NCKAP1L: variants seen among roughly 807,000 people sequenced by gnomAD.
NCKAP1L encodes NCK associated protein 1 like, also known as nck-associated protein 1-like.
NCKAP1L carries 53 observed loss-of-function variants against 139.2 expected under a neutral mutation model. The observed-to-expected ratio is 0.38, with a 90% CI of 0.31 to 0.48. NCKAP1L has a LOEUF of 0.48. Ranked by LOEUF, NCKAP1L falls within the 20% of genes least tolerant of loss-of-function variation. The pLI, the probability that NCKAP1L is intolerant of heterozygous loss-of-function variation, is 0.98. For synonymous variants in NCKAP1L, 468 were observed against 499.7 expected, an observed-to-expected ratio of 0.94 and a Z score of 0.85; for missense variants, 1,151 against 1,381.9, an observed-to-expected ratio of 0.83 and a Z score of 2.65.
At chr12:54,522,235 T>C (rs911095341) in intron 18 of NCKAP1L, among the ~76,000 whole-genome samples, 1 of 152,198 alleles carries the variant, frequency 6.6e-6, no homozygotes, top group Admixed American at 6.5e-5. Context: ...CAAGAAGATA[T>C]GCAAATGAGT....
rs1164357462 is a variant in NCKAP1L, at chr12:54,544,316, T to A, written c.*1631T>A. 6.6e-6 allele frequency: 1 copy of A among 152,090 alleles called. No homozygotes were observed. Among genetic ancestry groups the A allele is most frequent in the Non-Finnish European group, 1.5e-5 (1 of 68,008 alleles). The allele number at this position is 152,090 out of a possible 1,614,324, so 9.4% of individuals were successfully genotyped here. ...GTTTATATTTTTCTGCTTGAGGGGA[T>A]AGAGATCCCTCCTCCATCTGCATCT... On this transcript the variant is annotated 3_prime_UTR_variant, in exon 31 of 31. Transcript: ENST00000293373.
At chr12:54,542,493 C>T in intron 30 of NCKAP1L, 82 bp from the exon 31 acceptor site, 2 of 1,029,842 alleles carry the variant, frequency 1.9e-6, no homozygotes, top group South Asian at 1.3e-5. Context: ...CTCAGAGGGC[C>T]TGGGAACTAT....
At chr12:54,511,757 G>A (rs1315596241) in intron 7 of NCKAP1L, 46 bp from the exon 8 acceptor site, 1 of 1,595,218 alleles carries the variant, frequency 6.3e-7, no homozygotes, top group African/African-American at 1.3e-5. Context: ...TCCTTTAGAG[G>A]AAGGCCAAGT....
intron 18 of NCKAP1L, among the ~76,000 whole-genome samples, chr12:54,522,885 A>T (rs1956995837): frequency 6.6e-6 from 1 of 152,208 alleles, no homozygotes; most frequent in Non-Finnish European, 1.5e-5. Flanking sequence ...CTTAAAAAAA[A>T]AGTGGAAAGA....
chr12:54,522,045 C>A (rs887970117), intron 18 of NCKAP1L, among the ~76,000 whole-genome samples: 2 of 152,148 alleles, frequency 1.3e-5, no homozygotes, highest in African/African-American at 4.8e-5. Flanking sequence ...TAATATTTGA[C>A]ATAAAGCACT....
chr12:54,516,013 T>G (rs1956927386), intron 9 of NCKAP1L, among the ~76,000 whole-genome samples: 1 of 151,044 alleles, frequency 6.6e-6, no homozygotes, highest in African/African-American at 2.5e-5. Flanking sequence ...CCCTAGGTAT[T>G]ATTTTCTGTA....
At chr12:54,518,995 G>T in intron 15 of NCKAP1L, 23 bp downstream of exon 15, 1 of 1,606,020 alleles carries the variant, frequency 6.2e-7, no homozygotes, top group Admixed American at 1.7e-5. Flanking sequence ...TCCTGTTAAA[G>T]ATTCTCATCC....
Position 54,528,391 on chromosome 12 carries a change from C to G in NCKAP1L, c.2506+14C>G. 6.2e-7 allele frequency: 1 copy of G among 1,612,050 alleles called. No homozygotes were observed. The highest frequency in any genetic ancestry group is 8.5e-7 in the Non-Finnish European group (1 of 1,179,200). On this transcript the variant is annotated intron_variant, in intron 22 of 30. Coordinates refer to ENST00000293373, the MANE Select transcript of NCKAP1L (RefSeq NM_005337.5). ...CTGACATCTCTGGTGAGCTCAGGGC[C>G]TGGTCTTCTTGTCAAGGAGCTGAGC...
intron 3 of NCKAP1L, among the ~76,000 whole-genome samples, chr12:54,506,949 C>T (rs1333231275): frequency 6.6e-6 from 1 of 150,852 alleles, no homozygotes; most frequent in Admixed American, 6.6e-5. Flanking sequence ...ATACCATGGG[C>T]TATTATGCAG....
chr12:54,533,544 A>G (rs1342397536), intron 26 of NCKAP1L, among the ~76,000 whole-genome samples: 2 of 152,060 alleles, frequency 1.3e-5, no homozygotes, highest in Non-Finnish European at 2.9e-5. Context: ...GTACCACAGC[A>G]AAGTGTGTGT....
In NCKAP1L at chr12:54,500,567, A is replaced by G. The variant is rs2120867666; in HGVS notation, c.248A>G (p.Glu83Gly). 1 of 1,613,756 alleles carries G rather than the reference A, an allele frequency of 6.2e-7. No individual in the cohort carries two copies. Among genetic ancestry groups the G allele is most frequent in the Non-Finnish European group, 8.5e-7 (1 of 1,179,670 alleles). ...HLGPVHREKA[E>G]IIRFLTNYYQ... Reference sequence around the variant, plus strand: ...GGACCAGTACATCGTGAAAAAGCCGAGATAATTAGATTCCTCACCAACTAC... The same window carrying G: ...GGACCAGTACATCGTGAAAAAGCCGGGATAATTAGATTCCTCACCAACTAC... Residue 83 changes from glutamate to glycine, a missense_variant, in exon 3 of 31, where the codon GAG becomes GGG. Physicochemically the swap from Glu to Gly is moderately conservative, Grantham distance 98. Coordinates refer to ENST00000293373, the MANE Select transcript of NCKAP1L (RefSeq NM_005337.5).
At position 54,509,682 on chromosome 12, in the gene NCKAP1L, GC is replaced by G. The variant is rs1419138668; in HGVS notation, c.523del (p.Arg175ValfsTer13). 6.2e-7 allele frequency: 1 copy of G among 1,613,856 alleles called. No homozygotes were observed. Among genetic ancestry groups the G allele is most frequent in the African/African-American group, 1.3e-5 (1 of 74,900 alleles). On this transcript the variant is annotated frameshift_variant, in exon 6 of 31. Transcript: ENST00000293373. LOFTEE classifies it high-confidence loss of function. ...GCTTTCTTCTAGTGACCCCAGTTTTGCCCGTCTGGGTCAGATGGTCTTGGAG... is the reference window on the plus strand; with the variant it reads ...GCTTTCTTCTAGTGACCCCAGTTTTGCCGTCTGGGTCAGATGGTCTTGGAG... ...MLHGHGDPSF[A>X]RLGQMVLEYD...
rs556861541 is a variant in NCKAP1L, at chr12:54,508,641, T to C, written c.506+110T>C. ...CCATGATTTCTTATATGAGAACCTA[T>C]AATCTACATTGACCCAGGCAAAATA... On this transcript the variant is annotated intron_variant, in intron 5 of 30. Transcript: ENST00000293373. 7.1e-5 allele frequency: 82 copies of C among 1,156,396 alleles called. No homozygotes were observed. In the African/African-American group the frequency reaches 1.1e-3, roughly 16 times the overall value. 71.6% of individuals were successfully genotyped at this position (1,156,396 alleles called of 1,614,324 possible). A position where few individuals can be genotyped will look rare whatever the true frequency, so the allele number is the denominator to read the frequency against.
At position 54,518,686 on chromosome 12, in the gene NCKAP1L, C is replaced by T. The variant is rs1487494826; in HGVS notation, c.1374C>T (p.Ile458=). Residue 458 remains isoleucine, a synonymous_variant, in exon 14 of 31, where the codon ATC becomes ATT. Coordinates refer to ENST00000293373, the MANE Select transcript of NCKAP1L (RefSeq NM_005337.5). ...TGTGTCCAGAGGAGGAGTCCATCAT[C>T]ATGTCCTCATTCGTCAGTATCCTCT... ...LSVCPEEESI[I]MSSFVSILSS... is the part of the protein sequence containing the mutation. 4 of 1,613,992 alleles carry T rather than the reference C, an allele frequency of 2.5e-6. No individual in the cohort carries two copies. The Admixed American group carries it at 6.7e-5, about 27-fold the overall frequency.
chr12:54,522,970 A>G (rs1315786676), intron 18 of NCKAP1L, among the ~76,000 whole-genome samples: 2 of 152,234 alleles, frequency 1.3e-5, no homozygotes, highest in Non-Finnish European at 2.9e-5. Context: ...ATGAGATAGA[A>G]TAGGAAGGGA....
At chr12:54,540,696 C>T (rs528549804) in intron 30 of NCKAP1L, among the ~76,000 whole-genome samples, 25 of 152,336 alleles carry the variant, frequency 1.6e-4, no homozygotes, top group South Asian at 4.1e-4. Context: ...CATGACTCTT[C>T]ACTTCCTCAG....
chr12:54,525,488 G>A (rs1160276117), intron 20 of NCKAP1L, among the ~76,000 whole-genome samples: 1 of 152,172 alleles, frequency 6.6e-6, no homozygotes, highest in Admixed American at 6.5e-5. Flanking sequence ...GATGCTGGTG[G>A]TGGTTTCCAG....
chr12:54,548,221 A>G lies in NCKAP1L; in HGVS notation c.*5536A>G, dbSNP rs1957215083. On this transcript the variant is annotated 3_prime_UTR_variant, in exon 31 of 31. Coordinates refer to ENST00000293373, the MANE Select transcript of NCKAP1L (RefSeq NM_005337.5). ...CCAACCTCCAGAATTTTTTGAAATT[A>G]AAATTCACATTCTGGGATCCTGGAT... 6.6e-6 allele frequency: 1 copy of G among 152,290 alleles called. No individual in the cohort carries two copies. Among genetic ancestry groups the G allele is most frequent in the Non-Finnish European group, 1.5e-5 (1 of 68,072 alleles). The allele number at this position is 152,290 out of a possible 1,614,324, so 9.4% of individuals were successfully genotyped here.
In NCKAP1L at chr12:54,531,726, C is replaced by A. The variant is rs759064510; in HGVS notation, c.2699-17C>A. ...CCTCTCTAAATTATCTTTTCTAACA[C>A]GCTTCTTTCTCCTCAGGGGCTGAAA... On this transcript the variant is annotated splice_polypyrimidine_tract_variant and intron_variant, in intron 24 of 30. Transcript: ENST00000293373. The A allele has an allele frequency of 6.2e-7, 1 of 1,609,568 alleles. No homozygotes were observed. Among genetic ancestry groups the A allele is most frequent in the Non-Finnish European group, 8.5e-7 (1 of 1,176,188 alleles).
Sources: gnomAD v4.1 joint callset for allele counts (sites outside exome capture counted in the v4.1 genomes callset) on GRCh38, gnomAD v4.1.1 for gene constraint, MANE v1.5 for transcripts, NCBI Gene and HGNC (gene_info 2026-07-23, HGNC 2026-07-21) for gene names.